GABRB1: variants seen among roughly 807,000 people sequenced by gnomAD.
The protein encoded by GABRB1 is gamma-aminobutyric acid type A receptor subunit beta1.
In GABRB1, 17 loss-of-function variants were observed where a neutral mutation model predicts 51.6. The ratio of observed to expected loss-of-function variants is 0.33; its 90% CI spans 0.23 to 0.49. The LOEUF is 0.49. Among genes scored for constraint, GABRB1 ranks in the 20% least tolerant of loss-of-function variants. The pLI, the probability that GABRB1 is intolerant of heterozygous loss-of-function variation, is 0.99. For synonymous variants in GABRB1, 247 were observed against 218.9 expected, an observed-to-expected ratio of 1.13 and a Z score of -1.14; for missense variants, 410 against 600.6, an observed-to-expected ratio of 0.68 and a Z score of 3.32.
At chr4:47,228,515 G>A (rs1317428150) in intron 4 of GABRB1, among the ~76,000 whole-genome samples, 1 of 151,986 alleles carries the variant, frequency 6.6e-6, no homozygotes, top group Non-Finnish European at 1.5e-5. Flanking sequence ...TGGACATTAT[G>A]TCTTTGCATT....
In GABRB1 at chr4:47,426,428, C is replaced by CAAAAAAAAAAAA. The variant is rs59682924; in HGVS notation, c.*418_*429dup. ...GTAAACTATAACAAACTTATGCTGC[C>CAAAAAAAAAAAA]AAAAAAAAAAAAAAAAAAACATAAA... On this transcript the variant is annotated 3_prime_UTR_variant, in exon 9 of 9. Transcript: ENST00000295454. 1.2e-4 allele frequency: 10 copies of CAAAAAAAAAAAA among 84,798 alleles called. No homozygotes were observed. Among genetic ancestry groups the CAAAAAAAAAAAA allele is most frequent in the Non-Finnish European group, 2.1e-4 (8 of 38,370 alleles). 5.3% of individuals were successfully genotyped at this position (84,798 alleles called of 1,614,324 possible).
At chr4:47,051,331 G>C (rs986323399) in intron 3 of GABRB1, among the ~76,000 whole-genome samples, 13 of 152,178 alleles carry the variant, frequency 8.5e-5, no homozygotes, top group African/African-American at 3.1e-4. Context: ...AAGAGTATAA[G>C]AAAAGTTGAA....
At chr4:47,052,531 T>C (rs570941687) in intron 3 of GABRB1, among the ~76,000 whole-genome samples, 3 of 152,324 alleles carry the variant, frequency 2.0e-5, no homozygotes, top group African/African-American at 7.2e-5. Context: ...GCATACAAAC[T>C]CCGAAGTACG....
upstream of GABRB1, chr4:47,031,271 C>A: frequency 5.0e-6 from 1 of 199,674 alleles, no homozygotes; most frequent in African/African-American, 2.3e-5. Flanking sequence ...AGATGCCAAT[C>A]ACAGGCAGCC....
intron 4 of GABRB1, among the ~76,000 whole-genome samples, chr4:47,206,046 T>C (rs995025547): frequency 6.7e-6 from 1 of 148,522 alleles, no homozygotes; most frequent in African/African-American, 2.5e-5. Context: ...GAGCCATAGG[T>C]TCACAGGATT....
At chr4:47,152,082 T>A (rs904145226) in intron 3 of GABRB1, among the ~76,000 whole-genome samples, 6 of 152,052 alleles carry the variant, frequency 3.9e-5, no homozygotes, top group Admixed American at 3.9e-4. Flanking sequence ...ATCTGTCAAT[T>A]CTCTATGTTT....
At chr4:47,004,792 T>C (rs1218833530) in intron 1 of GABRB1, among the ~76,000 whole-genome samples, 2 of 152,268 alleles carry the variant, frequency 1.3e-5, no homozygotes, top group East Asian at 3.8e-4. Context: ...TGTCAATGTG[T>C]ATTTGATTTC....
At chr4:47,001,343 C>A (rs369901162) in intron 1 of GABRB1, among the ~76,000 whole-genome samples, 1 of 151,926 alleles carries the variant, frequency 6.6e-6, no homozygotes, top group African/African-American at 2.4e-5. Flanking sequence ...GTGGTTTCAC[C>A]GTGTTAGCCA....
chr4:47,370,248 G>A (rs565324685), intron 5 of GABRB1, among the ~76,000 whole-genome samples: 1 of 152,122 alleles, frequency 6.6e-6, no homozygotes, highest in Non-Finnish European at 1.5e-5. Context: ...CAGCACGTTG[G>A]GTGGCCGAGG....
intron 3 of GABRB1, among the ~76,000 whole-genome samples, chr4:47,102,102 C>T (rs149121310): frequency 7.2e-5 from 11 of 152,134 alleles, no homozygotes; most frequent in African/African-American, 2.4e-4. Context: ...GGCAAGTCAT[C>T]ATAAGAACTT....
intron 1 of GABRB1, among the ~76,000 whole-genome samples, chr4:47,011,234 C>G (rs766707825): frequency 3.3e-5 from 5 of 152,056 alleles, no homozygotes; most frequent in Non-Finnish European, 5.9e-5. Flanking sequence ...CTGTTTTGCC[C>G]AAGACCTCAC....
At chr4:47,180,758 T>G (rs1488490113) in intron 4 of GABRB1, among the ~76,000 whole-genome samples, 1 of 152,064 alleles carries the variant, frequency 6.6e-6, no homozygotes, top group African/African-American at 2.4e-5. Flanking sequence ...CAGTTATAAT[T>G]TCATTTAATA....
At chr4:47,061,739 G>A (rs1560516331) in intron 3 of GABRB1, among the ~76,000 whole-genome samples, 1 of 152,158 alleles carries the variant, frequency 6.6e-6, no homozygotes, top group Non-Finnish European at 1.5e-5. Flanking sequence ...TCTGTGGGGG[G>A]TGGTCTTCTT....
intron 4 of GABRB1, among the ~76,000 whole-genome samples, chr4:47,187,994 T>G (rs1719258006): frequency 6.6e-6 from 1 of 151,922 alleles, no homozygotes; most frequent in Non-Finnish European, 1.5e-5. Flanking sequence ...CTTACCCTGA[T>G]TTGTTTTTCA....
intron 3 of GABRB1, among the ~76,000 whole-genome samples, chr4:47,119,490 A>C (rs1046177176): frequency 6.7e-6 from 1 of 149,504 alleles, no homozygotes; most frequent in Non-Finnish European, 1.5e-5. Context: ...TCAGATTGAC[A>C]AAACATTTTC....
intron 3 of GABRB1, among the ~76,000 whole-genome samples, chr4:47,153,229 A>G (rs905588203): frequency 2.0e-5 from 3 of 152,076 alleles, no homozygotes; most frequent in Admixed American, 1.3e-4. Flanking sequence ...AAATATAGTA[A>G]ACAACCATTA....
At chr4:47,269,539 G>A (rs1007772383) in intron 4 of GABRB1, among the ~76,000 whole-genome samples, 3 of 152,108 alleles carry the variant, frequency 2.0e-5, no homozygotes, top group African/African-American at 7.2e-5. Flanking sequence ...GTAGGTTTTT[G>A]TCAACATCCA....
At chr4:47,035,251 C>T (rs900765605) in intron 3 of GABRB1, among the ~76,000 whole-genome samples, 6 of 151,904 alleles carry the variant, frequency 3.9e-5, no homozygotes, top group African/African-American at 1.5e-4. Context: ...AGACTAACAT[C>T]GTATCAAGAG....
At chr4:47,378,949 G>A (rs1253684146) in intron 5 of GABRB1, among the ~76,000 whole-genome samples, 2 of 152,094 alleles carry the variant, frequency 1.3e-5, no homozygotes, top group African/African-American at 2.4e-5. Flanking sequence ...TTTTCTCTCC[G>A]TCACACCAGA....
Sources: allele counts gnomAD v4.1 joint callset (sites outside exome capture counted in the v4.1 genomes callset), GRCh38; gene constraint gnomAD v4.1.1; transcripts MANE v1.5; gene names NCBI Gene and HGNC (gene_info 2026-07-23, HGNC 2026-07-21).